The following SNX29 variants were observed in gnomAD, a reference collection of about 807,000 sequenced individuals.
SNX29 encodes the protein sorting nexin 29, also known as sorting nexin-29.
A neutral mutation model predicts 102.1 loss-of-function variants in SNX29; 78 were observed. The ratio of observed to expected loss-of-function variants is 0.76; its 90% CI spans 0.64 to 0.92. SNX29 has a LOEUF of 0.92. Ranked by LOEUF, SNX29 falls within the 40% of genes least tolerant of loss-of-function variation. The probability of loss-of-function intolerance (pLI) is 0.00; values close to 1 mark genes in which losing one functional copy is unlikely to be tolerated. For missense variants in SNX29, 1,280 were observed against 1,061.7 expected (o/e 1.21, Z -2.86); for synonymous variants, 580 against 414.5 (o/e 1.40, Z -4.85).
At chr16:12,541,828 C>A (rs1339407989) in intron 20 of SNX29, among the ~76,000 whole-genome samples, 1 of 152,062 alleles carries the variant, frequency 6.6e-6, no homozygotes, top group Non-Finnish European at 1.5e-5. Context: ...TCGCCTCTTC[C>A]CCTCTTCTCC....
chr16:12,365,701 AAAG>A (rs2082448611), intron 16 of SNX29, among the ~76,000 whole-genome samples: 1 of 150,182 alleles, frequency 6.7e-6, no homozygotes, highest in Non-Finnish European at 1.5e-5. Context: ...CAAAAAAAAA[AAAG>A]GCTCTTTGGA....
At chr16:12,303,356 G>A (rs2080242486) in intron 15 of SNX29, among the ~76,000 whole-genome samples, 1 of 152,206 alleles carries the variant, frequency 6.6e-6, no homozygotes, top group Admixed American at 6.5e-5. Context: ...CCATCGATAA[G>A]AGAGTCGATT....
intron 18 of SNX29, among the ~76,000 whole-genome samples, chr16:12,420,783 A>T (rs1043938102): frequency 1.3e-5 from 2 of 152,204 alleles, no homozygotes; most frequent in Non-Finnish European, 2.9e-5. Context: ...TGATGGACGC[A>T]TGAGTCACCA....
At chr16:12,453,839 G>C (rs374285793) in intron 18 of SNX29, among the ~76,000 whole-genome samples, 1 of 152,198 alleles carries the variant, frequency 6.6e-6, no homozygotes, top group African/African-American at 2.4e-5. Context: ...AGATGGCAGG[G>C]AAGGTATCTT....
chr16:12,042,704 C>A (rs1438856392), intron 4 of SNX29, among the ~76,000 whole-genome samples, 193 bp from the exon 5 acceptor site: 1 of 152,192 alleles, frequency 6.6e-6, no homozygotes, highest in Admixed American at 6.5e-5. Context: ...AAATGTACCA[C>A]ATTTTGTTTA....
intron 20 of SNX29, among the ~76,000 whole-genome samples, chr16:12,536,711 C>G (rs7189929): frequency 1.3e-5 from 2 of 152,206 alleles, no homozygotes; most frequent in Non-Finnish European, 2.9e-5. Context: ...GACGTGGTGG[C>G]TCACGCCTGT....
chr16:12,047,959 G>C (rs1286429979), intron 6 of SNX29, among the ~76,000 whole-genome samples: 1 of 151,978 alleles, frequency 6.6e-6, no homozygotes, highest in East Asian at 1.9e-4. Context: ...GCCCAGCCTG[G>C]ATCAAGGTCT....
chr16:12,243,719 A>G (rs754367931), intron 14 of SNX29, among the ~76,000 whole-genome samples: 4 of 152,200 alleles, frequency 2.6e-5, no homozygotes, highest in African/African-American at 4.8e-5. Context: ...GCTGGATTGC[A>G]GGCCTGGTTC....
rs1427452737 is a variant in SNX29, at chr16:12,225,521, C to T, written c.1678+25838C>T. On this transcript the variant is annotated intron_variant, in intron 14 of 20. Transcript: ENST00000566228. ...CCATCCACGTAAGATATGATTTGCT[C>T]CTCCTTCTGCCATGATTGTGAGGCC... 3.3e-5 allele frequency among the ~76,000 whole-genome samples: 5 copies of T among 152,166 alleles called. No homozygotes were observed. The South Asian group carries it at 6.2e-4, about 19-fold the overall frequency.
intron 15 of SNX29, among the ~76,000 whole-genome samples, chr16:12,306,148 T>G (rs2080331081): frequency 6.6e-6 from 1 of 151,972 alleles, no homozygotes; most frequent in Admixed American, 6.6e-5. Context: ...TCTTAAACAG[T>G]TTGTGAACAG....
In SNX29 at chr16:12,353,491, G is replaced by A. The variant is rs147946463; in HGVS notation, c.1783-2672G>A. ...GGTTTTTAATGCCCATTTCATAGAC[G>A]CACAGCCACAGGCTCATACCAGAAC... On this transcript the variant is annotated intron_variant, in intron 15 of 20. Coordinates refer to ENST00000566228, the MANE Select transcript of SNX29 (RefSeq NM_032167.5). Among the ~76,000 whole-genome samples, 373 of 140,266 alleles carry A rather than the reference G, an allele frequency of 2.7e-3. 3 individuals are homozygous for A. The highest frequency in any genetic ancestry group is 3.4e-3 in the Non-Finnish European group (234 of 67,942). The allele number at this position is 140,266 out of a possible 152,430, so 92.0% of individuals were successfully genotyped here. A position where few individuals can be genotyped will look rare whatever the true frequency, so the allele number is the denominator to read the frequency against.
Position 12,572,121 on chromosome 16 carries a change from G to GGC in SNX29, c.*3493_*3494dup, listed in dbSNP as rs1228815529. 1.9e-6 allele frequency: 2 copies of GGC among 1,034,618 alleles called. No homozygotes were observed. Among genetic ancestry groups the GGC allele is most frequent in the East Asian group, 1.0e-4 (2 of 19,768 alleles). 64.1% of individuals were successfully genotyped at this position (1,034,618 alleles called of 1,614,324 possible). A position where few individuals can be genotyped will look rare whatever the true frequency, so the allele number is the denominator to read the frequency against. ...TGGACTGGGTCTGATCACAGCCCTT[G>GGC]GCCCTGCTTCATACTTTGGAGCTTA... On this transcript the variant is annotated 3_prime_UTR_variant, in exon 21 of 21. Transcript: ENST00000566228.
intron 11 of SNX29, among the ~76,000 whole-genome samples, chr16:12,082,198 T>C (rs2051933303): frequency 6.6e-6 from 1 of 152,102 alleles, no homozygotes; most frequent in African/African-American, 2.4e-5. Context: ...CGTTTTGATT[T>C]ATGGGCATTT....
chr16:12,560,506 T>C (rs896876544), intron 20 of SNX29, among the ~76,000 whole-genome samples: 6 of 152,280 alleles, frequency 3.9e-5, no homozygotes, highest in Non-Finnish European at 8.8e-5. Flanking sequence ...GGCACGCCTG[T>C]CCTGCCCTCC....
chr16:12,117,282 A>G (rs1358847509), intron 11 of SNX29, among the ~76,000 whole-genome samples: 4 of 145,686 alleles, frequency 2.7e-5, no homozygotes, highest in Non-Finnish European at 6.0e-5. Flanking sequence ...ACGTGCTTCA[A>G]CGCGGACGAA....
At position 12,532,460 on chromosome 16, in the gene SNX29, GCAAA is replaced by G. The variant is rs1408727937; in HGVS notation, c.2318+7622_2318+7625del. ...ATCCTACTAAGCTCAATATTATTAAGCAAACAGTTTTAGATGTCTATGATAATGG... is the reference window on the plus strand; with the variant it reads ...ATCCTACTAAGCTCAATATTATTAAGCAGTTTTAGATGTCTATGATAATGG... On this transcript the variant is annotated intron_variant, in intron 20 of 20. Coordinates refer to ENST00000566228, the MANE Select transcript of SNX29 (RefSeq NM_032167.5). 3.9e-5 allele frequency among the ~76,000 whole-genome samples: 6 copies of G among 152,284 alleles called. No individual in the cohort carries two copies. In the South Asian group the frequency reaches 1.2e-3, roughly 32 times the overall value.
chr16:12,057,237 A>C (rs1049645622), intron 8 of SNX29, among the ~76,000 whole-genome samples: 1 of 152,258 alleles, frequency 6.6e-6, no homozygotes, highest in Non-Finnish European at 1.5e-5. Context: ...TCTCACTAGC[A>C]GTTAAGCAAA....
At chr16:12,499,205 G>A (rs1221237838) in intron 19 of SNX29, among the ~76,000 whole-genome samples, 1 of 152,160 alleles carries the variant, frequency 6.6e-6, no homozygotes, top group African/African-American at 2.4e-5. Context: ...TGCTCTCTGG[G>A]GCATTTCCCT....
At chr16:12,186,373 G>A (rs545791973) in intron 13 of SNX29, among the ~76,000 whole-genome samples, 1 of 152,082 alleles carries the variant, frequency 6.6e-6, no homozygotes, top group Non-Finnish European at 1.5e-5. Flanking sequence ...CTATATCTCT[G>A]TGTATCCATA....
Sources: gnomAD v4.1 joint callset for allele counts (sites outside exome capture counted in the v4.1 genomes callset) on GRCh38, gnomAD v4.1.1 for gene constraint, MANE v1.5 for transcripts, NCBI Gene and HGNC (gene_info 2026-07-23, HGNC 2026-07-21) for gene names.